Variants in HDAC9 observed in about 807,000 individuals in gnomAD.
HDAC9 encodes the protein histone deacetylase 9, also known as MEF-2 interacting transcription repressor (MITR) protein.
HDAC9 carries 41 observed loss-of-function variants against 139.4 expected under a neutral mutation model. That is an observed-to-expected ratio of 0.29 (90% CI 0.23 to 0.38). The LOEUF (loss-of-function observed/expected upper bound fraction) is 0.38, where lower values mean the gene tolerates loss of function less well. Ranked by LOEUF, HDAC9 falls within the 10% of genes least tolerant of loss-of-function variation. HDAC9 has a pLI of 1.00. For missense variants in HDAC9, 1,147 were observed against 1,297.0 expected, an observed-to-expected ratio of 0.88 and a Z score of 1.78; for synonymous variants, 517 against 476.2, an observed-to-expected ratio of 1.09 and a Z score of -1.12.
chr7:18,674,279 A>C (rs1195872088), intron 12 of HDAC9, among the ~76,000 whole-genome samples: 1 of 151,950 alleles, frequency 6.6e-6, no homozygotes, highest in Non-Finnish European at 1.5e-5. Context: ...ACTTCAATTA[A>C]CTTACTGTAA....
chr7:18,731,849 C>T (rs1394737073), intron 13 of HDAC9, among the ~76,000 whole-genome samples: 4 of 152,190 alleles, frequency 2.6e-5, no homozygotes, highest in Non-Finnish European at 4.4e-5. Context: ...TGGTCTTGAA[C>T]TCCCAACCTC....
chr7:18,863,852 C>T (rs1052171400), intron 21 of HDAC9, among the ~76,000 whole-genome samples: 3 of 152,076 alleles, frequency 2.0e-5, no homozygotes, highest in Non-Finnish European at 4.4e-5. Flanking sequence ...GGGAGCTAGG[C>T]CTCTGGGGAA....
chr7:18,864,216 C>T (rs939420066), intron 21 of HDAC9, among the ~76,000 whole-genome samples: 1 of 152,122 alleles, frequency 6.6e-6, no homozygotes, highest in Non-Finnish European at 1.5e-5. Context: ...TGAAGGGATC[C>T]TGCCATATGT....
chr7:18,315,882 C>T (rs532592638), intron 1 of HDAC9, among the ~76,000 whole-genome samples: 2 of 152,336 alleles, frequency 1.3e-5, no homozygotes, highest in Admixed American at 6.5e-5. Flanking sequence ...CCTTTAGAGA[C>T]TGAGTGTCTG....
intron 1 of HDAC9, among the ~76,000 whole-genome samples, chr7:18,115,345 C>A (rs1033470924): frequency 2.6e-5 from 4 of 150,966 alleles, no homozygotes; most frequent in African/African-American, 9.7e-5. Context: ...TTCACATTTG[C>A]AAAAATATAA....
chr7:18,687,243 A>G (rs1782339345), intron 12 of HDAC9, among the ~76,000 whole-genome samples: 1 of 151,820 alleles, frequency 6.6e-6, no homozygotes, highest in African/African-American at 2.4e-5. Flanking sequence ...GCTGTTCAAT[A>G]TGTAACATAA....
chr7:18,232,691 C>T (rs1342558016), intron 2 of HDAC9, among the ~76,000 whole-genome samples: 2 of 152,150 alleles, frequency 1.3e-5, no homozygotes, highest in Non-Finnish European at 2.9e-5. Flanking sequence ...TAGCATATTA[C>T]ACAAATCAGA....
At chr7:18,416,296 C>CA (rs920615552) in intron 1 of HDAC9, among the ~76,000 whole-genome samples, 32 of 147,960 alleles carry the variant, frequency 2.2e-4, no homozygotes, top group African/African-American at 3.5e-4. Context: ...AACTCCATCT[C>CA]AAAAAAAAAC....
chr7:18,656,952 C>T (rs1475352184), intron 11 of HDAC9, among the ~76,000 whole-genome samples: 3 of 151,970 alleles, frequency 2.0e-5, no homozygotes, highest in African/African-American at 7.3e-5. Context: ...GCATTCATTA[C>T]GGGTCCATCT....
At chr7:18,512,445 A>AG (rs1163488638) in intron 2 of HDAC9, among the ~76,000 whole-genome samples, 2 of 152,206 alleles carry the variant, frequency 1.3e-5, no homozygotes, top group Non-Finnish European at 2.9e-5. Context: ...TTATGGAAAA[A>AG]TTAATAACAT....
At chr7:18,204,835 G>GT (rs1433965008) in intron 2 of HDAC9, among the ~76,000 whole-genome samples, 2 of 151,688 alleles carry the variant, frequency 1.3e-5, no homozygotes, top group Admixed American at 6.6e-5. Context: ...GCAATATGTT[G>GT]TTTTTTTATT....
chr7:18,295,438 A>G (rs929812694), intron 1 of HDAC9, among the ~76,000 whole-genome samples: 1 of 152,288 alleles, frequency 6.6e-6, no homozygotes, highest in Middle Eastern at 3.4e-3. Context: ...TTAAAATTGC[A>G]TTGCATTTTA....
chr7:18,596,256 T>C (rs1245011488), intron 6 of HDAC9, among the ~76,000 whole-genome samples: 1 of 152,102 alleles, frequency 6.6e-6, no homozygotes, highest in Non-Finnish European at 1.5e-5. Context: ...TATAGAGGTT[T>C]TAAAATATTC....
intron 2 of HDAC9, among the ~76,000 whole-genome samples, chr7:18,575,332 A>C (rs1825665271): frequency 6.6e-6 from 1 of 152,214 alleles, no homozygotes; most frequent in African/African-American, 2.4e-5. Context: ...TTTATCTTTA[A>C]AATGGAAGAT....
chr7:18,098,608 A>T (rs1340038714), intron 1 of HDAC9, among the ~76,000 whole-genome samples: 1 of 152,200 alleles, frequency 6.6e-6, no homozygotes, highest in African/African-American at 2.4e-5. Context: ...AAAGATTGTT[A>T]ACTATACTTT....
intron 12 of HDAC9, among the ~76,000 whole-genome samples, chr7:18,699,690 A>G (rs1783318956): frequency 6.6e-6 from 1 of 152,058 alleles, no homozygotes; most frequent in Non-Finnish European, 1.5e-5. Context: ...TTTTTCCTAA[A>G]TGGCTCTTAG....
intron 22 of HDAC9, among the ~76,000 whole-genome samples, chr7:18,920,013 GT>G (rs1315964015): frequency 6.6e-6 from 1 of 152,050 alleles, no homozygotes; most frequent in Admixed American, 6.6e-5. Context: ...CTTTAACGTG[GT>G]TTTTTCCAAT....
chr7:18,463,983 T>C (rs1354074006), intron 1 of HDAC9, among the ~76,000 whole-genome samples: 1 of 151,994 alleles, frequency 6.6e-6, no homozygotes, highest in Non-Finnish European at 1.5e-5. Flanking sequence ...CAAGGATTTG[T>C]ATGTACTTGA....
intron 2 of HDAC9, among the ~76,000 whole-genome samples, chr7:18,168,616 A>C (rs893562562): frequency 6.6e-5 from 10 of 150,762 alleles, no homozygotes; most frequent in Admixed American, 5.3e-4. Context: ...CTTGTGTTGC[A>C]GTACTATAAT....
Sources: gnomAD v4.1 joint callset for allele counts (sites outside exome capture counted in the v4.1 genomes callset) on GRCh38, gnomAD v4.1.1 for gene constraint, MANE v1.5 for transcripts, NCBI Gene and HGNC (gene_info 2026-07-23, HGNC 2026-07-21) for gene names.